The following ECD variants were observed in gnomAD, a reference collection of about 807,000 sequenced individuals.
The protein encoded by ECD is protein ecdysoneless homolog.
Under a neutral mutation model 77.2 loss-of-function variants are expected in ECD, and 59 were observed. The observed-to-expected ratio is 0.76, with a 90% CI of 0.62 to 0.95. ECD has a LOEUF of 0.95. Ranked by LOEUF, ECD falls within the 40% of genes least tolerant of loss-of-function variation. ECD has a pLI of 0.00. For missense variants in ECD, 704 were observed against 763.4 expected, an observed-to-expected ratio of 0.92 and a Z score of 0.92; for synonymous variants, 233 against 267.4, an observed-to-expected ratio of 0.87 and a Z score of 1.26.
intron 3 of ECD, among the ~76,000 whole-genome samples, chr10:73,158,627 T>C (rs1327813293): frequency 1.3e-5 from 2 of 151,880 alleles, no homozygotes; most frequent in East Asian, 3.9e-4. Flanking sequence ...CCCCAGCTAC[T>C]CAGGAGGATG....
chr10:73,148,058 C>T (rs1843151280), intron 8 of ECD, among the ~76,000 whole-genome samples: 1 of 152,122 alleles, frequency 6.6e-6, no homozygotes, highest in African/African-American at 2.4e-5. Context: ...TCACTTTCAT[C>T]ATTTAATACC....
At chr10:73,136,562 C>T (rs1308362905) in intron 13 of ECD, 142 bp downstream of exon 13, 2 of 736,608 alleles carry the variant, frequency 2.7e-6, no homozygotes, top group African/African-American at 3.6e-5. Context: ...GATCCTTTAT[C>T]CTACCAGAGT....
At chr10:73,146,138 G>A (rs1320167853) in intron 9 of ECD, 138 bp downstream of exon 9, 11 of 278,816 alleles carry the variant, frequency 3.9e-5, no homozygotes, top group East Asian at 1.5e-4. Context: ...CCCAGGAGGC[G>A]GAGGTTGCCA....
intron 8 of ECD, 26 bp from the exon 9 acceptor site, chr10:73,146,387 G>C: frequency 2.1e-6 from 3 of 1,442,236 alleles, no homozygotes; most frequent in South Asian, 1.3e-5. Context: ...AGGTCTATCA[G>C]AACATTACTC....
At chr10:73,153,999 G>C (rs972382756) in intron 6 of ECD, among the ~76,000 whole-genome samples, 1 of 152,152 alleles carries the variant, frequency 6.6e-6, no homozygotes, top group Non-Finnish European at 1.5e-5. Flanking sequence ...TGCTCAAGTA[G>C]TAAGTTTAAT....
At chr10:73,144,813 TAA>T (rs1843102846) in intron 9 of ECD, among the ~76,000 whole-genome samples, 1 of 152,004 alleles carries the variant, frequency 6.6e-6, no homozygotes, top group African/African-American at 2.4e-5. Flanking sequence ...TTTAAAAAAT[TAA>T]AAAGAGCTAG....
At chr10:73,154,168 G>A (rs1462099427) in intron 6 of ECD, 88 bp downstream of exon 6, 1 of 1,267,118 alleles carries the variant, frequency 7.9e-7, no homozygotes, top group African/African-American at 1.5e-5. Flanking sequence ...CATTCACTGA[G>A]CACTGAGAAA....
chr10:73,157,912 T>C (rs542070305), intron 3 of ECD, among the ~76,000 whole-genome samples: 77 of 152,026 alleles, frequency 5.1e-4, no homozygotes, highest in South Asian at 1.9e-3. Context: ...TTATATACTG[T>C]TATATATCGT....
Position 73,136,705 on chromosome 10 carries a change from A to T in ECD, c.1703T>A (p.Val568Glu), listed in dbSNP as rs1391991241. Reference sequence around the variant, plus strand: ...GAAAGAGGTTAAAAACACACATACCACTTGGTTCCTAGTGGTGAAACTTTT... The same window carrying T: ...GAAAGAGGTTAAAAACACACATACCTCTTGGTTCCTAGTGGTGAAACTTTT... ...ISKSFTTRNQ[V>E]EPVSQTTDNN... is the part of the protein sequence containing the mutation. The change falls in exon 13 of 14, where the codon GTG becomes GAG. Residue 568 changes from valine to glutamate, a missense_variant and splice_region_variant. Val to Glu is a moderately radical substitution (Grantham distance 121). Coordinates refer to ENST00000372979, the MANE Select transcript of ECD (RefSeq NM_007265.3). The T allele has an allele frequency of 6.2e-7, 1 of 1,613,542 alleles. No homozygotes were observed. The highest frequency in any genetic ancestry group is 1.7e-5 in the Admixed American group (1 of 59,988).
chr10:73,154,256 C>T lies in ECD; in HGVS notation c.783G>A (p.Ser261=), dbSNP rs140935345. 3.1e-5 allele frequency: 50 copies of T among 1,588,878 alleles called. No individual in the cohort carries two copies. Among genetic ancestry groups the T allele is most frequent in the East Asian group, 6.8e-5 (3 of 44,268 alleles). ...TAAATGACCAAGATAGAAATCTCAC[C>T]GATGTCATTATTCGTGTTTCAGGCA... ...TFLPETRIMT[S]VTFTKCLYAQ... Residue 261 remains serine, a splice_region_variant and synonymous_variant, in exon 6 of 14, where the codon TCG becomes TCA. Transcript: ENST00000372979.
Position 73,148,306 on chromosome 10 carries a change from A to G in ECD, c.1011T>C (p.Leu337=), listed in dbSNP as rs1307563281. 6.2e-7 allele frequency: 1 copy of G among 1,613,710 alleles called. No individual in the cohort carries two copies. The highest frequency in any genetic ancestry group is 1.1e-5 in the South Asian group (1 of 91,014). ...VTASPLWASF[L]ESLKKNDYFK... ...AGTAATCATTCTTTTTCAGACTTTC[A>G]AGGAAACTGGCCCAGAGTGGTGAGG... The change falls in exon 8 of 14, where the codon CTT becomes CTC. Residue 337 remains leucine, a synonymous_variant. Coordinates refer to ENST00000372979, the MANE Select transcript of ECD (RefSeq NM_007265.3).
chr10:73,152,477 A>G, intron 6 of ECD, 56 bp from the exon 7 acceptor site: 1 of 1,559,342 alleles, frequency 6.4e-7, no homozygotes, highest in South Asian at 1.1e-5. Flanking sequence ...GATTGTGAAT[A>G]ACACTTCACA....
At chr10:73,159,302 C>A (rs1369988383) in intron 3 of ECD, among the ~76,000 whole-genome samples, 1 of 152,200 alleles carries the variant, frequency 6.6e-6, no homozygotes, top group Non-Finnish European at 1.5e-5. Flanking sequence ...ATGTTACCTA[C>A]TTTGCTTCCT....
At chr10:73,165,544 GTTTTACCATATTGGCCAGGCTGGTC>G (rs1478631055) in intron 1 of ECD, among the ~76,000 whole-genome samples, 18 of 150,640 alleles carry the variant, frequency 1.2e-4, no homozygotes, top group African/African-American at 3.9e-4. Flanking sequence ...TAGAGACGGG[GTTTTACCATATTGGCCAGGCTGGTC>G]TCAAACTCCT....
chr10:73,167,131 G>A (rs1843486984), intron 1 of ECD, among the ~76,000 whole-genome samples: 1 of 152,108 alleles, frequency 6.6e-6, no homozygotes, highest in African/African-American at 2.4e-5. Flanking sequence ...GCAGACATAT[G>A]GATTTGTTTC....
At position 73,146,378 on chromosome 10, in the gene ECD, G is replaced by A; in HGVS notation, c.1042-17C>T. 2.3e-5 allele frequency: 30 copies of A among 1,309,366 alleles called. No homozygotes were observed. Among genetic ancestry groups the A allele is most frequent in the South Asian group, 3.9e-5 (3 of 76,872 alleles). 81.1% of individuals were successfully genotyped at this position (1,309,366 alleles called of 1,614,324 possible). Reference sequence around the variant, plus strand: ...TATCAGTCCCTTAAAAAAAAAAAAAGGTCTATCAGAACATTACTCACAAGT... The same window carrying A: ...TATCAGTCCCTTAAAAAAAAAAAAAAGTCTATCAGAACATTACTCACAAGT... On this transcript the variant is annotated splice_polypyrimidine_tract_variant and intron_variant, in intron 8 of 13. Transcript: ENST00000372979.
intron 6 of ECD, 121 bp downstream of exon 6, chr10:73,154,135 A>T: frequency 9.8e-7 from 1 of 1,015,970 alleles, no homozygotes; most frequent in Non-Finnish European, 1.4e-6. Context: ...TTTTTTTTCT[A>T]GAGAACAATT....
intron 5 of ECD, among the ~76,000 whole-genome samples, chr10:73,155,775 T>C (rs965070406): frequency 2.0e-5 from 3 of 152,056 alleles, no homozygotes; most frequent in Non-Finnish European, 2.9e-5. Context: ...ATTTTGTTTT[T>C]GTATTTTTAG....
At chr10:73,143,134 T>G (rs1402211913) in intron 9 of ECD, among the ~76,000 whole-genome samples, 1 of 152,166 alleles carries the variant, frequency 6.6e-6, no homozygotes. Context: ...CAATAAATAT[T>G]TGTTGAATAA....
Sources: gnomAD v4.1 joint callset for allele counts (sites outside exome capture counted in the v4.1 genomes callset) on GRCh38, gnomAD v4.1.1 for gene constraint, MANE v1.5 for transcripts, NCBI Gene and HGNC (gene_info 2026-07-23, HGNC 2026-07-21) for gene names.